MYH10: variants seen among roughly 807,000 people sequenced by gnomAD.
MYH10 encodes myosin-10.
A neutral mutation model predicts 257.8 loss-of-function variants in MYH10; 55 were observed. The observed-to-expected ratio is 0.21, with a 90% CI of 0.17 to 0.27. MYH10 has a LOEUF of 0.27. MYH10 is among the 10% of genes least tolerant of loss of function. The pLI is 1.00. For synonymous variants in MYH10, 854 were observed against 921.7 expected, an observed-to-expected ratio of 0.93 and a Z score of 1.33; for missense variants, 1,631 against 2,500.6, an observed-to-expected ratio of 0.65 and a Z score of 7.42.
In MYH10 at chr17:8,542,509, G is replaced by C. The variant is rs565806736; in HGVS notation, c.1432-229C>G. 4.4e-4 allele frequency among the ~76,000 whole-genome samples: 67 copies of C among 152,242 alleles called. 1 individual carries two copies. Among genetic ancestry groups the C allele is most frequent in the African/African-American group, 1.5e-3 (63 of 41,546 alleles). ...TAAAGAGAAAGAACATACTGTCTAT[G>C]GCTGCATTACTGAACTGCTAAAATG... On this transcript the variant is annotated intron_variant, in intron 13 of 42. Coordinates refer to ENST00000360416, the MANE Select transcript of MYH10 (RefSeq NM_001256012.3).
In MYH10 at chr17:8,548,647, G is replaced by T. The variant is rs2082522119; in HGVS notation, c.1060C>A (p.Leu354Met). ...ATCTTAGAGAAATCACACATACACA[G>T]AATCTCTTCATGGGAGAAGCCCATT... ...HIMGFSHEEI[L>M]SMLKVVSSVL... The change falls in exon 10 of 43, where the codon CTG becomes ATG. Residue 354 changes from leucine (L) to methionine (M), a missense_variant. By Grantham distance (15) the Leu-to-Met change is conservative. Coordinates refer to ENST00000360416, the MANE Select transcript of MYH10 (RefSeq NM_001256012.3). 1 of 1,613,932 alleles carries T rather than the reference G, an allele frequency of 6.2e-7. No individual in the cohort carries two copies. Among genetic ancestry groups the T allele is most frequent in the East Asian group, 2.2e-5 (1 of 44,862 alleles).
intron 17 of MYH10, 71 bp from the exon 18 acceptor site, chr17:8,521,356 T>C (rs2081649132): frequency 2.0e-6 from 3 of 1,484,018 alleles, no homozygotes; most frequent in East Asian, 4.5e-5. Flanking sequence ...AAAGACACAG[T>C]GAAAGTGCAG....
chr17:8,624,169 C>T (rs147227621), intron 1 of MYH10, among the ~76,000 whole-genome samples: 2 of 152,326 alleles, frequency 1.3e-5, no homozygotes, highest in East Asian at 3.9e-4. Context: ...TAATGTATCT[C>T]AAGACCTAGT....
intron 3 of MYH10, among the ~76,000 whole-genome samples, chr17:8,596,203 A>C (rs1021320608): frequency 4.6e-4 from 67 of 146,450 alleles, no homozygotes; most frequent in Non-Finnish European, 9.7e-4. Flanking sequence ...CCCAAGCTGG[A>C]GTGCAGTGGC....
intron 21 of MYH10, among the ~76,000 whole-genome samples, chr17:8,517,215 C>A (rs1026216670): frequency 1.3e-5 from 2 of 152,164 alleles, no homozygotes; most frequent in East Asian, 3.9e-4. Flanking sequence ...CCGAAGATAT[C>A]ATCTATTTGT....
intron 9 of MYH10, among the ~76,000 whole-genome samples, chr17:8,550,503 T>A (rs2082600492): frequency 6.7e-6 from 1 of 149,748 alleles, no homozygotes. Context: ...AGCCACCCCG[T>A]CCGGGAGGGA....
At chr17:8,556,165 G>C (rs2082786659) in intron 7 of MYH10, among the ~76,000 whole-genome samples, 1 of 152,188 alleles carries the variant, frequency 6.6e-6, no homozygotes, top group Non-Finnish European at 1.5e-5. Context: ...AGAACTATCA[G>C]ACAACCCTGG....
At chr17:8,586,894 C>T (rs557810666) in intron 4 of MYH10, among the ~76,000 whole-genome samples, 14 of 152,306 alleles carry the variant, frequency 9.2e-5, no homozygotes, top group South Asian at 2.1e-4. Context: ...AACACATCCA[C>T]GGTGGATCAG....
intron 3 of MYH10, among the ~76,000 whole-genome samples, chr17:8,591,123 C>T (rs912528589): frequency 3.3e-5 from 5 of 152,252 alleles, no homozygotes; most frequent in Admixed American, 3.3e-4. Flanking sequence ...TCACCCACCT[C>T]GGCCTCCCAA....
rs745681638 is a variant in MYH10 at position 8,574,689 on chromosome 17, C to T, written c.663+1954G>A. 7.2e-5 allele frequency among the ~76,000 whole-genome samples: 11 copies of T among 152,186 alleles called. No homozygotes were observed. The South Asian group carries it at 1.2e-3, about 17-fold the overall frequency. On this transcript the variant is annotated intron_variant, in intron 6 of 42. Transcript: ENST00000360416. ...TGCTGGATGTACACTCATGGTTCCT[C>T]GGGATTCAACTTTTGCTTATAAAGT...
chr17:8,592,419 A>G (rs936455849), intron 3 of MYH10, among the ~76,000 whole-genome samples: 1 of 152,160 alleles, frequency 6.6e-6, no homozygotes, highest in Non-Finnish European at 1.5e-5. Flanking sequence ...ATCAGGAAAA[A>G]GGAGAAAAGG....
intron 7 of MYH10, among the ~76,000 whole-genome samples, chr17:8,556,524 A>G (rs973401837): frequency 1.3e-5 from 2 of 152,232 alleles, no homozygotes; most frequent in African/African-American, 4.8e-5. Context: ...ATAAAGCACT[A>G]CATACTATAT....
Position 8,569,647 on chromosome 17 carries a change from C to A in MYH10, c.756+73G>T, listed in dbSNP as rs2152000969. On this transcript the variant is annotated intron_variant, in intron 7 of 42. Transcript: ENST00000360416. The surrounding 1 kb of genome is among the most constrained non-coding windows in gnomAD (Gnocchi z 4.1). ...TTAAAATCTAGGAAGAAAAGTAATT[C>A]ATTTGCTTAATCACAGTAAACATTT... The A allele has an allele frequency of 9.8e-7, 1 of 1,020,326 alleles. No homozygotes were observed. The highest frequency in any genetic ancestry group is 1.4e-6 in the Non-Finnish European group (1 of 705,088). 63.2% of individuals were successfully genotyped at this position (1,020,326 alleles called of 1,614,324 possible).
chr17:8,588,486 A>G (rs1163570107), intron 4 of MYH10, among the ~76,000 whole-genome samples: 1 of 152,212 alleles, frequency 6.6e-6, no homozygotes, highest in Non-Finnish European at 1.5e-5. Context: ...TAAATCACCA[A>G]GTCTTGGTAA....
chr17:8,515,150 T>G (rs1433770506), intron 21 of MYH10, among the ~76,000 whole-genome samples: 1 of 152,202 alleles, frequency 6.6e-6, no homozygotes, highest in Non-Finnish European at 1.5e-5. Flanking sequence ...ACTGGGTATT[T>G]CCTAGAAATA....
intron 7 of MYH10, among the ~76,000 whole-genome samples, chr17:8,563,652 T>C (rs2083067798): frequency 6.6e-6 from 1 of 152,148 alleles, no homozygotes; most frequent in Admixed American, 6.5e-5. Context: ...AGGTAAACGT[T>C]TGGTTAGAGA....
At chr17:8,559,272 T>C (rs557755094) in intron 7 of MYH10, among the ~76,000 whole-genome samples, 1 of 152,326 alleles carries the variant, frequency 6.6e-6, no homozygotes, top group South Asian at 2.1e-4. Context: ...GTCAATTTCC[T>C]TCTCACTGAC....
chr17:8,597,620 A>ATTT lies in MYH10; in HGVS notation c.502+7203_502+7205dup, dbSNP rs5819201. On this transcript the variant is annotated intron_variant, in intron 3 of 42. Coordinates refer to ENST00000360416, the MANE Select transcript of MYH10 (RefSeq NM_001256012.3). Reference sequence around the variant, plus strand: ...GATCTTGATGCTATATAGTTTACTCATTTTTTTTTTTTTGAGATGGAGTCT... The same window carrying ATTT: ...GATCTTGATGCTATATAGTTTACTCATTTTTTTTTTTTTTTTGAGATGGAGTCT... Among the ~76,000 whole-genome samples the ATTT allele has an allele frequency of 2.4e-3, 354 of 145,694 alleles. 4 individuals carry two copies. The highest frequency in any genetic ancestry group is 0.014 in the Middle Eastern group (4 of 278).
At chr17:8,502,480 T>TTGTGTGTGTGTG (rs55865122) in intron 28 of MYH10, among the ~76,000 whole-genome samples, 62,219 of 149,948 alleles carry the variant, frequency 0.41, 13,122 homozygotes, top group Middle Eastern at 0.5. Context: ...GGGAAAATAG[T>TTGTGTGTGTGTG]TGTGTGTGTG....
Sources: allele counts gnomAD v4.1 joint callset (sites outside exome capture counted in the v4.1 genomes callset), GRCh38; gene constraint gnomAD v4.1.1; non-coding constraint Gnocchi (gnomAD v3.1); transcripts MANE v1.5; gene names NCBI Gene and HGNC (gene_info 2026-07-23, HGNC 2026-07-21).